Variants in SH3PXD2A observed in about 807,000 individuals in gnomAD.
SH3PXD2A encodes the protein SH3 and PX domain-containing protein 2A.
A neutral mutation model predicts 115.2 loss-of-function variants in SH3PXD2A; 32 were observed. The ratio of observed to expected loss-of-function variants is 0.28; its 90% confidence interval spans 0.21 to 0.37. The LOEUF (loss-of-function observed/expected upper bound fraction) is 0.37, where lower values mean the gene tolerates loss of function less well. SH3PXD2A is among the 10% of genes least tolerant of loss of function. The pLI is 1.00. For missense variants in SH3PXD2A, 1,328 were observed against 1,498.7 expected (o/e 0.89, Z 1.88); for synonymous variants, 610 against 629.1 (o/e 0.97, Z 0.45).
At chr10:103,731,218 T>G (rs1211878778) in intron 4 of SH3PXD2A, among the ~76,000 whole-genome samples, 1 of 151,276 alleles carries the variant, frequency 6.6e-6, no homozygotes, top group East Asian at 1.9e-4. Context: ...TGGAGTGCAG[T>G]GGTGCAACCA....
intron 6 of SH3PXD2A, among the ~76,000 whole-genome samples, chr10:103,671,256 C>T (rs2037454478): frequency 6.6e-6 from 1 of 152,302 alleles, no homozygotes; most frequent in East Asian, 1.9e-4. Flanking sequence ...GTTGAGACTA[C>T]TCAACTCTAT....
chr10:103,729,241 T>A (rs2038284967), intron 4 of SH3PXD2A, among the ~76,000 whole-genome samples: 1 of 152,214 alleles, frequency 6.6e-6, no homozygotes. Context: ...CCAGAGCCTA[T>A]GCCCTGATCC....
intron 4 of SH3PXD2A, among the ~76,000 whole-genome samples, chr10:103,734,131 A>G (rs2038354079): frequency 6.6e-6 from 1 of 152,196 alleles, no homozygotes; most frequent in Non-Finnish European, 1.5e-5. Context: ...AGCTTGCCCA[A>G]GGTCACGTAG....
intron 8 of SH3PXD2A, among the ~76,000 whole-genome samples, chr10:103,636,236 G>A (rs1270767743): frequency 1.3e-5 from 2 of 151,972 alleles, no homozygotes; most frequent in Non-Finnish European, 2.9e-5. Context: ...GTGAAACCCC[G>A]TCTCTACTGA....
intron 5 of SH3PXD2A, among the ~76,000 whole-genome samples, chr10:103,705,771 A>G (rs1364571563): frequency 6.6e-6 from 1 of 152,144 alleles, no homozygotes; most frequent in African/African-American, 2.4e-5. Flanking sequence ...AAACGAAGGC[A>G]AAGACTCAGG....
intron 5 of SH3PXD2A, among the ~76,000 whole-genome samples, chr10:103,706,811 G>A (rs763914049): frequency 3.9e-4 from 60 of 152,072 alleles, no homozygotes; most frequent in Admixed American, 1.1e-3. Context: ...TTTCCCCCCC[G>A]AGTAGAGCTC....
At chr10:103,778,619 G>C (rs2038903066) in intron 2 of SH3PXD2A, among the ~76,000 whole-genome samples, 1 of 152,248 alleles carries the variant, frequency 6.6e-6, no homozygotes, top group African/African-American at 2.4e-5. Flanking sequence ...GAGAATACAG[G>C]TGAGCAGGTG....
chr10:103,627,390 C>T lies in SH3PXD2A; in HGVS notation c.605-188G>A, dbSNP rs1318144482. Among the ~76,000 whole-genome samples the T allele has an allele frequency of 2.0e-5, 3 of 152,202 alleles. No individual in the cohort carries two copies. Among genetic ancestry groups the T allele is most frequent in the African/African-American group, 4.8e-5 (2 of 41,438 alleles). ...GCCTGCGTCTGTTCTAAGGCAGAAA[C>T]GACCAGCACACTTCCCGAGAAGTGG... is the stretch of plus-strand genomic sequence containing the variant. On this transcript the variant is annotated intron_variant, in intron 8 of 14. Transcript: ENST00000369774. The surrounding 1 kb of genome is among the most constrained non-coding windows in gnomAD (Gnocchi z 4.4).
intron 2 of SH3PXD2A, among the ~76,000 whole-genome samples, chr10:103,785,019 C>G (rs992330444): frequency 2.6e-5 from 4 of 152,202 alleles, no homozygotes; most frequent in African/African-American, 9.7e-5. Flanking sequence ...AGCAGGTGCT[C>G]AACAAATGTG....
At chr10:103,615,469 A>T (rs1024184912) in intron 11 of SH3PXD2A, among the ~76,000 whole-genome samples, 1 of 132,034 alleles carries the variant, frequency 7.6e-6, no homozygotes, top group Non-Finnish European at 1.7e-5. Flanking sequence ...AAAGGGCGCG[A>T]TGGAGAGTGC....
intron 1 of SH3PXD2A, among the ~76,000 whole-genome samples, chr10:103,809,744 G>A (rs781396821): frequency 2.2e-5 from 3 of 139,204 alleles, no homozygotes; most frequent in Non-Finnish European, 4.6e-5. Context: ...GAGTGCAGTG[G>A]CGCCATCTCA....
intron 6 of SH3PXD2A, among the ~76,000 whole-genome samples, chr10:103,684,240 G>T (rs1592299957): frequency 1.3e-5 from 2 of 152,200 alleles, no homozygotes; most frequent in East Asian, 3.9e-4. Context: ...GGGCTTGGTG[G>T]GAGTGCTGAC....
intron 5 of SH3PXD2A, among the ~76,000 whole-genome samples, chr10:103,699,374 T>A (rs567403516): frequency 6.1e-4 from 93 of 152,302 alleles, no homozygotes; most frequent in African/African-American, 2.2e-3. Flanking sequence ...GCATCAGATG[T>A]CTGTCTGCGT....
At chr10:103,754,692 G>C (rs953504842) in intron 3 of SH3PXD2A, 2 of 152,102 alleles carry the variant, frequency 1.3e-5, no homozygotes, top group Non-Finnish European at 2.9e-5. Context: ...GGGGAGAGAG[G>C]GCTGTTACTC....
At chr10:103,638,650 A>G (rs936572373) in intron 8 of SH3PXD2A, among the ~76,000 whole-genome samples, 37 of 152,200 alleles carry the variant, frequency 2.4e-4, no homozygotes, top group African/African-American at 8.9e-4. Context: ...TGCAAAACCG[A>G]CCCAAAGTAC....
At chr10:103,750,302 C>T (rs1482965529) in intron 3 of SH3PXD2A, among the ~76,000 whole-genome samples, 1 of 152,140 alleles carries the variant, frequency 6.6e-6, no homozygotes, top group South Asian at 2.1e-4. Flanking sequence ...ATCCTGCCAC[C>T]CTGGCCTACA....
intron 3 of SH3PXD2A, among the ~76,000 whole-genome samples, chr10:103,758,170 C>T (rs2134214168): frequency 6.6e-6 from 1 of 152,364 alleles, no homozygotes. Context: ...AGTGTCTTGG[C>T]TCCACAAGTC....
chr10:103,833,262 T>C (rs2039499442), intron 1 of SH3PXD2A, among the ~76,000 whole-genome samples: 1 of 152,182 alleles, frequency 6.6e-6, no homozygotes, highest in South Asian at 2.1e-4. Flanking sequence ...GTCCATGAAG[T>C]GATTCCATAG....
At chr10:103,644,077 T>A (rs1009778230) in intron 8 of SH3PXD2A, among the ~76,000 whole-genome samples, 3 of 127,248 alleles carry the variant, frequency 2.4e-5, no homozygotes, top group African/African-American at 3.1e-5. Flanking sequence ...ATTGCACCAC[T>A]GCACTCCAGC....
Sources: allele counts gnomAD v4.1 joint callset (sites outside exome capture counted in the v4.1 genomes callset), GRCh38; gene constraint gnomAD v4.1.1; non-coding constraint Gnocchi (gnomAD v3.1); transcripts MANE v1.5; gene names NCBI Gene and HGNC (gene_info 2026-07-23, HGNC 2026-07-21).